C12orf56: variants seen among roughly 807,000 people sequenced by gnomAD.
The protein encoded by C12orf56 is chromosome 12 open reading frame 56.
In C12orf56, 71 loss-of-function variants were observed where a neutral mutation model predicts 69.9. That is an observed-to-expected ratio of 1.02 (90% CI 0.84 to 1.24). C12orf56 has a LOEUF of 1.24. C12orf56 is among the 50% of genes most tolerant of loss of function. The probability of loss-of-function intolerance (pLI) is 0.00; values close to 1 mark genes in which losing one functional copy is unlikely to be tolerated. For missense variants in C12orf56, 732 were observed against 738.5 expected, an observed-to-expected ratio of 0.99 and a Z score of 0.10; for synonymous variants, 276 against 274.1, an observed-to-expected ratio of 1.01 and a Z score of -0.07.
Position 64,365,162 on chromosome 12 carries a change from CTT to C in C12orf56, c.253-12108_253-12107del, listed in dbSNP as rs386376771. Among the ~76,000 whole-genome samples the C allele has an allele frequency of 8.6e-3, 1,062 of 123,018 alleles. 16 individuals are homozygous for C. The highest frequency in any genetic ancestry group is 0.024 in the African/African-American group (808 of 33,730). 80.7% of individuals were successfully genotyped at this position (123,018 alleles called of 152,430 possible). On this transcript the variant is annotated intron_variant, in intron 1 of 12. Coordinates refer to ENST00000543942, the MANE Select transcript of C12orf56 (RefSeq NM_001170633.2). ...ACTTCATCAGCTGTTAAAGCTGTTCCTTTTTTTTTTTTTTTTTTTTAGATGGA... is the reference window on the plus strand; with the variant it reads ...ACTTCATCAGCTGTTAAAGCTGTTCCTTTTTTTTTTTTTTTTTTAGATGGA...
chr12:64,304,289 A>T lies in C12orf56; in HGVS notation c.969-510T>A, dbSNP rs139546066. Among the ~76,000 whole-genome samples, 34 of 152,266 alleles carry T rather than the reference A, an allele frequency of 2.2e-4. No homozygotes were observed. The East Asian group carries it at 6.0e-3, about 27-fold the overall frequency. On this transcript the variant is annotated intron_variant, in intron 5 of 12. Transcript: ENST00000543942. Reference sequence around the variant, plus strand: ...GCAGATGAGCATGTGTTCAAGAACTATCACTAGTGGCCCCAAGCTGAGAGG... The same window carrying T: ...GCAGATGAGCATGTGTTCAAGAACTTTCACTAGTGGCCCCAAGCTGAGAGG...
intron 4 of C12orf56, among the ~76,000 whole-genome samples, chr12:64,314,223 C>A (rs2038660998): frequency 6.6e-6 from 1 of 151,914 alleles, no homozygotes; most frequent in Admixed American, 6.6e-5. Context: ...ATAGCTAGGA[C>A]TACAGACATG....
At chr12:64,374,789 CTACCT>C (rs1298746497) in intron 1 of C12orf56, among the ~76,000 whole-genome samples, 2 of 152,110 alleles carry the variant, frequency 1.3e-5, no homozygotes, top group Non-Finnish European at 2.9e-5. Context: ...GGTGATCTGC[CTACCT>C]TGGCTTCCCA....
rs182634175 is a variant in C12orf56, at chr12:64,380,733, C to G, written c.252+9581G>C. ...CAAAAGAACCAACCCCTAAGGATCTCGAGTGTTCTAGGTAGAAAGGCAAGT... is the reference window on the plus strand; with the variant it reads ...CAAAAGAACCAACCCCTAAGGATCTGGAGTGTTCTAGGTAGAAAGGCAAGT... On this transcript the variant is annotated intron_variant, in intron 1 of 12. Transcript: ENST00000543942. Among the ~76,000 whole-genome samples the G allele has an allele frequency of 4.6e-5, 7 of 152,074 alleles. No individual in the cohort carries two copies. The South Asian group carries it at 1.5e-3, about 32-fold the overall frequency.
chr12:64,331,948 TAA>T (rs55845408), intron 2 of C12orf56, among the ~76,000 whole-genome samples: 6 of 135,030 alleles, frequency 4.4e-5, no homozygotes, highest in Non-Finnish European at 4.8e-5. Flanking sequence ...TATCCTTAAA[TAA>T]AAAAAAAAAA....
At chr12:64,305,102 G>A (rs1471557026) in intron 5 of C12orf56, among the ~76,000 whole-genome samples, 1 of 151,884 alleles carries the variant, frequency 6.6e-6, no homozygotes, top group Non-Finnish European at 1.5e-5. Flanking sequence ...TCAATGAGTC[G>A]CTCTTATTAA....
At chr12:64,365,901 C>CATTATGTATAGTGTATATATTATAT (rs755218121) in intron 1 of C12orf56, among the ~76,000 whole-genome samples, 6 of 130,570 alleles carry the variant, frequency 4.6e-5, no homozygotes, top group African/African-American at 1.8e-4. Flanking sequence ...ATATATTATA[C>CATTATGTATAGTGTATATATTATAT]ATTATGTATA....
Position 64,264,909 on chromosome 12 carries a change from A to T in C12orf56, c.*2274T>A, listed in dbSNP as rs1161825779. 2.0e-5 allele frequency: 3 copies of T among 152,214 alleles called. No individual in the cohort carries two copies. The East Asian group carries it at 5.8e-4, about 29-fold the overall frequency. The allele number at this position is 152,214 out of a possible 1,614,324, so 9.4% of individuals were successfully genotyped here. A position where few individuals can be genotyped will look rare whatever the true frequency, so the allele number is the denominator to read the frequency against. ...CCAAAAAACCACTGACTTTAGCCCCACATAAAAAGATTCAGATATATTTTG... is the reference window on the plus strand; with the variant it reads ...CCAAAAAACCACTGACTTTAGCCCCTCATAAAAAGATTCAGATATATTTTG... On this transcript the variant is annotated 3_prime_UTR_variant, in exon 13 of 13. Coordinates refer to ENST00000543942, the MANE Select transcript of C12orf56 (RefSeq NM_001170633.2).
At chr12:64,341,299 C>T (rs1480121424) in intron 2 of C12orf56, among the ~76,000 whole-genome samples, 3 of 152,064 alleles carry the variant, frequency 2.0e-5, no homozygotes, top group South Asian at 2.1e-4. Flanking sequence ...GTGCCACTTC[C>T]GCTTCCACCC....
intron 3 of C12orf56, among the ~76,000 whole-genome samples, chr12:64,319,247 G>T (rs1437194558): frequency 2.0e-5 from 3 of 152,198 alleles, no homozygotes; most frequent in African/African-American, 7.2e-5. Context: ...TGTATATATT[G>T]AAAGTATTGT....
chr12:64,350,551 A>T (rs1170050411), intron 2 of C12orf56, among the ~76,000 whole-genome samples: 1 of 152,198 alleles, frequency 6.6e-6, no homozygotes, highest in African/African-American at 2.4e-5. Flanking sequence ...TCTTGGGAAA[A>T]CTGGCCTGAT....
intron 8 of C12orf56, among the ~76,000 whole-genome samples, chr12:64,280,897 T>C (rs2038113684): frequency 6.6e-6 from 1 of 152,214 alleles, no homozygotes; most frequent in Admixed American, 6.5e-5. Context: ...AGATTTCTGA[T>C]CCACTGACAC....
intron 2 of C12orf56, among the ~76,000 whole-genome samples, chr12:64,350,851 G>A (rs1374061778): frequency 6.6e-6 from 1 of 152,114 alleles, no homozygotes; most frequent in Admixed American, 6.6e-5. Context: ...TAAGACTAAA[G>A]TCTATTTTGC....
At chr12:64,268,062 A>T (rs1224895255) in intron 12 of C12orf56, among the ~76,000 whole-genome samples, 1 of 152,180 alleles carries the variant, frequency 6.6e-6, no homozygotes, top group East Asian at 1.9e-4. Context: ...TGGTGTTCAA[A>T]TGATTTCGGA....
In C12orf56 at chr12:64,366,283, A is replaced by AATATACAGTTTATATATTATATATT. The variant is rs1565777152; in HGVS notation, c.253-13252_253-13228dup. Among the ~76,000 whole-genome samples the AATATACAGTTTATATATTATATATT allele has an allele frequency of 1.2e-3, 20 of 16,874 alleles. 9 individuals are homozygous for AATATACAGTTTATATATTATATATT. Among genetic ancestry groups the AATATACAGTTTATATATTATATATT allele is most frequent in the African/African-American group, 2.0e-3 (15 of 7,450 alleles). The allele number at this position is 16,874 out of a possible 152,430, so 11.1% of individuals were successfully genotyped here. ...AATATACAGTTTATATATTATATAT[A>AATATACAGTTTATATATTATATATT]ATATACAGTTTATATATTATATATT... On this transcript the variant is annotated intron_variant, in intron 1 of 12. Transcript: ENST00000543942.
chr12:64,316,412 A>G (rs1022587233), intron 4 of C12orf56, among the ~76,000 whole-genome samples: 5 of 152,038 alleles, frequency 3.3e-5, no homozygotes, highest in Non-Finnish European at 5.9e-5. Context: ...TTTTTATTTT[A>G]GAGATGGAGT....
chr12:64,373,717 T>G (rs2039603840), intron 1 of C12orf56, among the ~76,000 whole-genome samples: 1 of 152,202 alleles, frequency 6.6e-6, no homozygotes, highest in East Asian at 1.9e-4. Flanking sequence ...TCTGAGAGTA[T>G]TTCAAAGAAT....
intron 1 of C12orf56, among the ~76,000 whole-genome samples, chr12:64,386,533 G>A (rs890861956): frequency 2.0e-5 from 3 of 151,834 alleles, no homozygotes; most frequent in African/African-American, 4.8e-5. Flanking sequence ...AGTAGCTGGC[G>A]TTATAGGCAT....
At chr12:64,345,530 ACTTT>A (rs1014454495) in intron 2 of C12orf56, among the ~76,000 whole-genome samples, 45 of 152,238 alleles carry the variant, frequency 3.0e-4, no homozygotes, top group African/African-American at 9.9e-4. Context: ...CAATGCCCTA[ACTTT>A]AACAGTAGAC....
Sources: gnomAD v4.1 joint callset for allele counts (sites outside exome capture counted in the v4.1 genomes callset) on GRCh38, gnomAD v4.1.1 for gene constraint, MANE v1.5 for transcripts, NCBI Gene and HGNC (gene_info 2026-07-23, HGNC 2026-07-21) for gene names.